The following FRMD4B variants were observed in gnomAD, a reference collection of about 807,000 sequenced individuals.
FRMD4B encodes the protein FERM domain containing 4B.
In FRMD4B, 74 loss-of-function variants were observed where a neutral mutation model predicts 141.5. That is an observed-to-expected ratio of 0.52 (90% CI 0.43 to 0.63). The LOEUF is 0.63. FRMD4B is among the 30% of genes least tolerant of loss of function. FRMD4B has a pLI of 0.00. For missense variants in FRMD4B, 1,366 were observed against 1,253.4 expected, an observed-to-expected ratio of 1.09 and a Z score of -1.36; for synonymous variants, 506 against 467.9, an observed-to-expected ratio of 1.08 and a Z score of -1.05.
intron 1 of FRMD4B, among the ~76,000 whole-genome samples, chr3:69,440,831 T>C (rs1367978496): frequency 6.6e-6 from 1 of 152,150 alleles, no homozygotes; most frequent in Admixed American, 6.6e-5. Flanking sequence ...CTTGAATACT[T>C]ACATTTGCAT....
At chr3:69,326,856 A>G (rs1702207045) in intron 1 of FRMD4B, among the ~76,000 whole-genome samples, 1 of 152,236 alleles carries the variant, frequency 6.6e-6, no homozygotes, top group Non-Finnish European at 1.5e-5. Context: ...TCAGAAAAAC[A>G]TGCAGGATAT....
intron 19 of FRMD4B, among the ~76,000 whole-genome samples, chr3:69,187,546 A>ATATATATATATATATATATACATAT (rs1553696384): frequency 1.4e-5 from 2 of 138,436 alleles, no homozygotes; most frequent in Non-Finnish European, 3.2e-5. Flanking sequence ...ACCTCAAAAA[A>ATATATATATATATATATATACATAT]AAAAAAATAT....
intron 1 of FRMD4B, among the ~76,000 whole-genome samples, chr3:69,438,829 A>G (rs1705299095): frequency 6.6e-6 from 1 of 152,174 alleles, no homozygotes; most frequent in African/African-American, 2.4e-5. Context: ...GGGGTAAAAT[A>G]TGGAAATATA....
At chr3:69,289,977 ACTTC>A (rs1376676293) in intron 4 of FRMD4B, among the ~76,000 whole-genome samples, 2 of 152,090 alleles carry the variant, frequency 1.3e-5, no homozygotes, top group Non-Finnish European at 2.9e-5. Context: ...TCTCCAGAGC[ACTTC>A]CTAAGGCAAC....
At chr3:69,455,953 A>C (rs1705600615) in intron 1 of FRMD4B, among the ~76,000 whole-genome samples, 1 of 152,154 alleles carries the variant, frequency 6.6e-6, no homozygotes, top group South Asian at 2.1e-4. Flanking sequence ...CTGAGGCTTA[A>C]ATCAGAACCA....
intron 1 of FRMD4B, among the ~76,000 whole-genome samples, chr3:69,434,845 C>T (rs2106844761): frequency 6.6e-6 from 1 of 152,290 alleles, no homozygotes; most frequent in Middle Eastern, 3.4e-3. Context: ...ATACCAAAGA[C>T]TGCATGGCTT....
At chr3:69,256,640 A>C (rs560675284) in intron 5 of FRMD4B, among the ~76,000 whole-genome samples, 162 of 152,294 alleles carry the variant, frequency 1.1e-3, no homozygotes, top group African/African-American at 3.6e-3. Context: ...GTTTTTATGC[A>C]ATTAGGCTGG....
rs141240494 is a variant in FRMD4B, at chr3:69,523,359, C to T, written c.-129+18847G>A. On this transcript the variant is annotated intron_variant, in intron 1 of 5. Coordinates refer to the FRMD4B transcript ENST00000459638. ...AAAATAAGGTTAAGGCCCATTCACA[C>T]GCATAAAGCTGAAATGGTGGGGAAG... 7.1e-3 allele frequency among the ~76,000 whole-genome samples: 1,088 copies of T among 152,208 alleles called. 10 individuals carry two copies. Among genetic ancestry groups the T allele is most frequent in the Non-Finnish European group, 0.012 (810 of 68,024 alleles).
At chr3:69,436,530 T>C (rs933456681) in intron 1 of FRMD4B, among the ~76,000 whole-genome samples, 1 of 152,206 alleles carries the variant, frequency 6.6e-6, no homozygotes, top group Non-Finnish European at 1.5e-5. Context: ...AAAAGCTGTT[T>C]AGTAGTCTCT....
At chr3:69,213,838 G>A (rs1279126263) in intron 11 of FRMD4B, among the ~76,000 whole-genome samples, 1 of 151,524 alleles carries the variant, frequency 6.6e-6, no homozygotes, top group Non-Finnish European at 1.5e-5. Context: ...AATTTGTTAA[G>A]TTTTCTTTTT....
At chr3:69,350,337 A>G (rs1283239900) in intron 1 of FRMD4B, among the ~76,000 whole-genome samples, 4 of 152,164 alleles carry the variant, frequency 2.6e-5, no homozygotes. Flanking sequence ...GGTGCTGGAG[A>G]GGATGTGGAG....
intron 2 of FRMD4B, among the ~76,000 whole-genome samples, chr3:69,397,744 T>C (rs905288629): frequency 5.9e-5 from 9 of 151,742 alleles, no homozygotes; most frequent in African/African-American, 2.2e-4. Context: ...GACTGCTAAT[T>C]AGTACAGGGT....
At chr3:69,316,274 A>G (rs1383735294) in intron 1 of FRMD4B, among the ~76,000 whole-genome samples, 1 of 152,166 alleles carries the variant, frequency 6.6e-6, no homozygotes, top group Non-Finnish European at 1.5e-5. Flanking sequence ...GCCAAGGTCA[A>G]ATATACACCT....
chr3:69,338,832 C>T (rs556277446), intron 1 of FRMD4B, among the ~76,000 whole-genome samples: 1 of 152,260 alleles, frequency 6.6e-6, no homozygotes, highest in African/African-American at 2.4e-5. Flanking sequence ...ACCCCTGAAA[C>T]TGAAATAAAA....
At chr3:69,474,783 G>C (rs1043960030) in intron 1 of FRMD4B, among the ~76,000 whole-genome samples, 1 of 152,170 alleles carries the variant, frequency 6.6e-6, no homozygotes, top group African/African-American at 2.4e-5. Context: ...GAACAAGATA[G>C]ACAGGGTTCC....
intron 19 of FRMD4B, among the ~76,000 whole-genome samples, chr3:69,182,920 G>T (rs1432270164): frequency 6.6e-6 from 1 of 152,094 alleles, no homozygotes; most frequent in Non-Finnish European, 1.5e-5. Context: ...GACTTTCTGA[G>T]TCACAAATAT....
At chr3:69,506,434 T>G (rs1320581140) in intron 1 of FRMD4B, among the ~76,000 whole-genome samples, 1 of 150,234 alleles carries the variant, frequency 6.7e-6, no homozygotes, top group Non-Finnish European at 1.5e-5. Flanking sequence ...GGAACCCAAG[T>G]GTAAAAAAAA....
intron 1 of FRMD4B, among the ~76,000 whole-genome samples, chr3:69,499,101 G>T (rs1384912779): frequency 1.3e-5 from 2 of 152,144 alleles, no homozygotes; most frequent in African/African-American, 4.8e-5. Flanking sequence ...TCCAGATGGG[G>T]GAACGGTGAG....
intron 2 of FRMD4B, among the ~76,000 whole-genome samples, chr3:69,409,416 TAGA>T (rs1704715562): frequency 6.6e-6 from 1 of 152,174 alleles, no homozygotes; most frequent in Non-Finnish European, 1.5e-5. Context: ...AATGACCCAG[TAGA>T]AGGAGTATTA....
Sources: allele counts gnomAD v4.1 joint callset (sites outside exome capture counted in the v4.1 genomes callset), GRCh38; gene constraint gnomAD v4.1.1; transcripts MANE v1.5; gene names NCBI Gene and HGNC (gene_info 2026-07-23, HGNC 2026-07-21).